GALNT16: variants seen among roughly 807,000 people sequenced by gnomAD.
The protein encoded by GALNT16 is UDP-GalNAc:polypeptide N-acetylgalactosaminyltransferase-like protein 1.
A neutral mutation model predicts 76.1 loss-of-function variants in GALNT16; 40 were observed. The observed-to-expected ratio is 0.53, with a 90% CI of 0.41 to 0.68. The LOEUF (loss-of-function observed/expected upper bound fraction) is 0.68. Among genes scored for constraint, GALNT16 ranks in the 30% least tolerant of loss-of-function variants. The probability of loss-of-function intolerance (pLI) is 0.00; values close to 1 mark genes in which losing one functional copy is unlikely to be tolerated. For synonymous variants in GALNT16, 276 were observed against 285.2 expected, an observed-to-expected ratio of 0.97 and a Z score of 0.32; for missense variants, 621 against 731.9, an observed-to-expected ratio of 0.85 and a Z score of 1.75.
chr14:69,381,767 CA>C, the GALNT16 span, among the ~76,000 whole-genome samples: 3 of 152,192 alleles, frequency 2.0e-5, no homozygotes, highest in East Asian at 5.8e-4. Context: ...TGGCTCACTG[CA>C]ACCTCTGCCA....
intron 13 of GALNT16, 81 bp downstream of exon 13, chr14:69,347,262 C>A: frequency 7.4e-7 from 1 of 1,350,012 alleles, no homozygotes; most frequent in Non-Finnish European, 1.0e-6. Flanking sequence ...TCCCCCTACT[C>A]ATTCTCCTCC....
chr14:69,270,670 C>T (rs936626753), intron 1 of GALNT16, among the ~76,000 whole-genome samples: 13 of 152,232 alleles, frequency 8.5e-5, no homozygotes, highest in African/African-American at 2.7e-4. Flanking sequence ...CGGTCCGTTC[C>T]AGGGGGCTTC....
At chr14:69,289,301 A>G (rs1016857231) in intron 1 of GALNT16, among the ~76,000 whole-genome samples, 6 of 152,204 alleles carry the variant, frequency 3.9e-5, no homozygotes, top group Non-Finnish European at 8.8e-5. Flanking sequence ...TATGAGGCCC[A>G]GTGAATCCAT....
Position 69,260,193 on chromosome 14 carries a change from C to A in GALNT16, c.-98C>A. On this transcript the variant is annotated 5_prime_UTR_variant, in exon 1 of 15. Transcript: ENST00000448469. ...TGCTCTGCAGGACTGAGCAGCTAGG[C>A]GCGAGCGAAAACAAACAGCTGGGGC... The A allele has an allele frequency of 1.7e-6, 1 of 575,080 alleles. No homozygotes were observed. The highest frequency in any genetic ancestry group is 3.0e-6 in the Non-Finnish European group (1 of 334,086). 35.6% of individuals were successfully genotyped at this position (575,080 alleles called of 1,614,324 possible). A position where few individuals can be genotyped will look rare whatever the true frequency, so the allele number is the denominator to read the frequency against.
intron 12 of GALNT16, among the ~76,000 whole-genome samples, chr14:69,345,703 A>AGTGT (rs55871607): frequency 0.017 from 2,263 of 135,084 alleles, 76 homozygotes; most frequent in African/African-American, 0.051. Context: ...ATAAGGTGTC[A>AGTGT]GTGTGTGTGT....
At chr14:69,268,397 T>C (rs765819255) in intron 1 of GALNT16, among the ~76,000 whole-genome samples, 31 of 152,208 alleles carry the variant, frequency 2.0e-4, no homozygotes, top group Non-Finnish European at 4.4e-4. Flanking sequence ...GTTACAAATA[T>C]AGTAGATTGG....
intron 1 of GALNT16, among the ~76,000 whole-genome samples, chr14:69,272,451 G>A (rs1457348102): frequency 6.6e-6 from 1 of 152,120 alleles, no homozygotes; most frequent in Admixed American, 6.5e-5. Context: ...ACAATGTTTT[G>A]GTCAACCAGG....
chr14:69,268,550 G>A (rs2044367453), intron 1 of GALNT16, among the ~76,000 whole-genome samples: 1 of 152,148 alleles, frequency 6.6e-6, no homozygotes, highest in Non-Finnish European at 1.5e-5. Context: ...GAATGCTGAA[G>A]GCAGCATCTA....
At chr14:69,359,489 T>C (rs1375635209), downstream of GALNT16, among the ~76,000 whole-genome samples, 1 of 152,190 alleles carries the variant, frequency 6.6e-6, no homozygotes, top group Non-Finnish European at 1.5e-5. Flanking sequence ...TCAACAGCAA[T>C]GTGTTGGTGA....
the GALNT16 span, among the ~76,000 whole-genome samples, chr14:69,374,283 T>A: frequency 6.6e-6 from 1 of 152,204 alleles, no homozygotes; most frequent in Non-Finnish European, 1.5e-5. Flanking sequence ...CCTTGTCCAC[T>A]TAACACTCCC....
At chr14:69,265,610 C>A (rs1180184222) in intron 1 of GALNT16, among the ~76,000 whole-genome samples, 7 of 152,200 alleles carry the variant, frequency 4.6e-5, no homozygotes, top group Admixed American at 2.0e-4. Context: ...AAGATTTATA[C>A]CCTGTCTGCT....
At chr14:69,358,744 C>CAAAG (rs1250075787), downstream of GALNT16, 1 of 152,310 alleles carries the variant, frequency 6.6e-6, no homozygotes, top group African/African-American at 2.4e-5. Context: ...GTATACTGAA[C>CAAAG]ACCTGCCCCA....
At chr14:69,372,376 C>T in the GALNT16 span, among the ~76,000 whole-genome samples, 2 of 149,530 alleles carry the variant, frequency 1.3e-5, no homozygotes, top group Non-Finnish European at 3.0e-5. Flanking sequence ...ACTGTGGAAT[C>T]CCAATATCTA....
downstream of GALNT16, chr14:69,357,553 T>C (rs757211521): frequency 5.9e-5 from 9 of 152,216 alleles, no homozygotes; most frequent in African/African-American, 1.2e-4. Flanking sequence ...GTATTCTTCC[T>C]TCGGGAAGGT....
the GALNT16 span, among the ~76,000 whole-genome samples, chr14:69,379,541 C>CA: frequency 1.3e-5 from 2 of 152,156 alleles, no homozygotes; most frequent in African/African-American, 2.4e-5. Flanking sequence ...GTCAAGATAT[C>CA]ACTGGCTGTT....
chr14:69,273,550 T>C (rs1206936926), intron 1 of GALNT16, among the ~76,000 whole-genome samples: 1 of 152,208 alleles, frequency 6.6e-6, no homozygotes, highest in East Asian at 1.9e-4. Flanking sequence ...GGTGAGGTTG[T>C]CTTCTTGGAG....
rs201555222 is a variant in GALNT16, at chr14:69,339,555, A to T, written c.1123A>T (p.Met375Leu). ...RNTKRTAEVW[M>L]DEYKQYYYEA... ...TACTAAGCGCACTGCAGAAGTGTGG[A>T]TGGATGAATACAAGCAATACTACTA... The change falls in exon 11 of 15, where the codon ATG becomes TTG. Residue 375 changes from methionine (M) to leucine (L), a missense_variant. Transcript: ENST00000448469. 7.4e-6 allele frequency: 12 copies of T among 1,613,046 alleles called. No individual in the cohort carries two copies. The highest frequency in any genetic ancestry group is 1.3e-5 in the African/African-American group (1 of 75,000).
chr14:69,279,623 G>A (rs571957694), intron 1 of GALNT16, among the ~76,000 whole-genome samples: 1 of 152,370 alleles, frequency 6.6e-6, no homozygotes, highest in East Asian at 1.9e-4. Flanking sequence ...GAGTGGGTGT[G>A]GGAAAGGCTG....
intron 1 of GALNT16, among the ~76,000 whole-genome samples, chr14:69,301,820 C>G (rs569479164): frequency 3.3e-5 from 5 of 152,252 alleles, no homozygotes; most frequent in Admixed American, 1.3e-4. Flanking sequence ...GAAACCTGCT[C>G]TCTCCAAAAA....
Sources: gnomAD v4.1 joint callset for allele counts (sites outside exome capture counted in the v4.1 genomes callset) on GRCh38, gnomAD v4.1.1 for gene constraint, MANE v1.5 for transcripts, NCBI Gene and HGNC (gene_info 2026-07-23, HGNC 2026-07-21) for gene names.